The following DCAF1 variants were observed in gnomAD, a reference collection of about 807,000 sequenced individuals.
DCAF1 encodes the protein DDB1- and CUL4-associated factor 1.
Under a neutral mutation model 128.0 loss-of-function variants are expected in DCAF1, and 15 were observed. The ratio of observed to expected loss-of-function variants is 0.12; its 90% CI spans 0.08 to 0.18. DCAF1 has a LOEUF of 0.18. Ranked by LOEUF, DCAF1 falls within the 10% of genes least tolerant of loss-of-function variation. DCAF1 has a pLI of 1.00. For synonymous variants in DCAF1, 610 were observed against 603.0 expected, an observed-to-expected ratio of 1.01 and a Z score of -0.17; for missense variants, 988 against 1,649.5, an observed-to-expected ratio of 0.60 and a Z score of 6.95.
At chr3:51,450,845 A>T (rs2107818239) in intron 6 of DCAF1, among the ~76,000 whole-genome samples, 1 of 152,194 alleles carries the variant, frequency 6.6e-6, no homozygotes, top group African/African-American at 2.4e-5. Context: ...GAGTAATTAG[A>T]CATAAAAAAG....
At chr3:51,474,073 T>C (rs746717703) in intron 3 of DCAF1, among the ~76,000 whole-genome samples, 13 of 152,132 alleles carry the variant, frequency 8.5e-5, no homozygotes, top group Non-Finnish European at 1.6e-4. Context: ...TTTCCCAAAG[T>C]GCTGGGATTA....
chr3:51,439,017 ATCTC>A (rs1394326875), intron 9 of DCAF1, among the ~76,000 whole-genome samples: 8 of 152,220 alleles, frequency 5.3e-5, no homozygotes, highest in African/African-American at 1.9e-4. Flanking sequence ...TCATTCAACT[ATCTC>A]TCTCCATTCA....
intron 6 of DCAF1, among the ~76,000 whole-genome samples, chr3:51,447,732 G>A (rs1212650513): frequency 6.6e-6 from 1 of 152,174 alleles, no homozygotes; most frequent in Non-Finnish European, 1.5e-5. Context: ...TGGATCACAT[G>A]AGGTCAGGAG....
At chr3:51,477,063 CAG>C (rs1423626843) in intron 3 of DCAF1, among the ~76,000 whole-genome samples, 1 of 151,916 alleles carries the variant, frequency 6.6e-6, no homozygotes, top group Admixed American at 6.6e-5. Context: ...GCCTGAGCGA[CAG>C]AGTGAGACTC....
intron 3 of DCAF1, among the ~76,000 whole-genome samples, chr3:51,477,236 TA>T (rs1309910677): frequency 6.7e-6 from 1 of 148,470 alleles, no homozygotes; most frequent in African/African-American, 2.5e-5. Flanking sequence ...AAAAGGTCAA[TA>T]AAAGAGCAGA....
intron 9 of DCAF1, among the ~76,000 whole-genome samples, chr3:51,434,033 G>A (rs1700606328): frequency 6.6e-6 from 1 of 150,778 alleles, no homozygotes; most frequent in African/African-American, 2.4e-5. Flanking sequence ...AGTGCACCAA[G>A]ATTGCACCAC....
chr3:51,429,792 T>C (rs1163947748), intron 11 of DCAF1, among the ~76,000 whole-genome samples: 1 of 151,910 alleles, frequency 6.6e-6, no homozygotes, highest in Non-Finnish European at 1.5e-5. Context: ...GATCATCAAC[T>C]GCCAATCCCC....
At chr3:51,447,266 T>G (rs561917775) in intron 6 of DCAF1, among the ~76,000 whole-genome samples, 5 of 151,690 alleles carry the variant, frequency 3.3e-5, no homozygotes, top group Non-Finnish European at 5.9e-5. Context: ...AAAAATTGGC[T>G]GGGTACAGAG....
At chr3:51,502,866 G>A (rs1553664624), upstream of DCAF1, among the ~76,000 whole-genome samples, 1 of 152,080 alleles carries the variant, frequency 6.6e-6, no homozygotes. Flanking sequence ...GAGCACCCAG[G>A]CTTTCCCAAC....
chr3:51,419,670 C>T, intron 15 of DCAF1, 64 bp downstream of exon 15: 2 of 1,531,754 alleles, frequency 1.3e-6, no homozygotes, highest in East Asian at 2.3e-5. Flanking sequence ...CTGATACTGC[C>T]CAGTTTGATT....
intron 1 of DCAF1, among the ~76,000 whole-genome samples, chr3:51,498,520 T>C (rs1033101467): frequency 6.6e-5 from 10 of 151,860 alleles, no homozygotes; most frequent in African/African-American, 1.2e-4. Context: ...GGAGGATCAC[T>C]TGAGTTCAAA....
In DCAF1 at chr3:51,420,645, G is replaced by A; in HGVS notation, c.2325C>T (p.Ile775=). Residue 775 remains isoleucine, a synonymous_variant, in exon 15 of 25, where the codon ATC becomes ATT. Coordinates refer to ENST00000684031, the MANE Select transcript of DCAF1 (RefSeq NM_001387579.1). This position sits in a 1 kb window ranked among gnomAD's most constrained non-coding sequence, Gnocchi z 6.5. ...AGCTGCTGAAAAGGGGCAGTTTACTGATGATCTGCCGGACAGTGCTACTGC... is the reference window on the plus strand; with the variant it reads ...AGCTGCTGAAAAGGGGCAGTTTACTAATGATCTGCCGGACAGTGCTACTGC... ...LSRSSTVRQI[I]SKLPLFSSCQ... is the part of the protein sequence containing the mutation. The A allele has an allele frequency of 6.2e-7, 1 of 1,614,060 alleles. No homozygotes were observed. The highest frequency in any genetic ancestry group is 1.3e-5 in the African/African-American group (1 of 75,062).
At chr3:51,407,735 C>T (rs1553627120) in intron 23 of DCAF1, among the ~76,000 whole-genome samples, 1 of 152,032 alleles carries the variant, frequency 6.6e-6, no homozygotes, top group Non-Finnish European at 1.5e-5. Context: ...TGCCTATAAT[C>T]CCAGCACTTT....
At chr3:51,486,091 C>T (rs537759584) in intron 2 of DCAF1, among the ~76,000 whole-genome samples, 1 of 151,818 alleles carries the variant, frequency 6.6e-6, no homozygotes, top group Non-Finnish European at 1.5e-5. Flanking sequence ...GGGCTTTCAC[C>T]GTGTTAGCCA....
intron 2 of DCAF1, among the ~76,000 whole-genome samples, chr3:51,496,198 C>T (rs1553660846): frequency 6.6e-6 from 1 of 151,782 alleles, no homozygotes; most frequent in Admixed American, 6.6e-5. Context: ...AGGCCGAGGC[C>T]GGCAGATCAC....
chr3:51,484,516 T>A (rs1706681571), intron 2 of DCAF1, among the ~76,000 whole-genome samples: 1 of 151,876 alleles, frequency 6.6e-6, no homozygotes, highest in African/African-American at 2.4e-5. Context: ...ACCTGTAATA[T>A]ATACAATAAT....
chr3:51,484,785 C>G (rs868973655), intron 2 of DCAF1, among the ~76,000 whole-genome samples: 1 of 150,322 alleles, frequency 6.7e-6, no homozygotes, highest in South Asian at 2.1e-4. Context: ...CGGGTTCAAG[C>G]AATTCTCCTG....
In DCAF1 at chr3:51,441,640, G is replaced by A; in HGVS notation, c.771C>T (p.Thr257=). 6.2e-7 allele frequency: 1 copy of A among 1,613,902 alleles called. No individual in the cohort carries two copies. The highest frequency in any genetic ancestry group is 8.5e-7 in the Non-Finnish European group (1 of 1,179,862). ...HKTSSRVNST[T]KPEDGGLKKN... The stretch of plus-strand genomic sequence containing the variant: ...TCTTTAATCCTCCATCCTCAGGTTT[G>A]GTTGTTGAGTTCACTCTGCTACTAG... The change falls in exon 8 of 25, where the codon ACC becomes ACT. Residue 257 remains threonine (T), a synonymous_variant. Transcript: ENST00000684031.
At chr3:51,426,562 TGATA>T (rs1699928449) in intron 13 of DCAF1, among the ~76,000 whole-genome samples, 1 of 152,202 alleles carries the variant, frequency 6.6e-6, no homozygotes. Context: ...TTTCTAATAC[TGATA>T]GATATAACAC....
Sources: gnomAD v4.1 joint callset for allele counts (sites outside exome capture counted in the v4.1 genomes callset) on GRCh38, gnomAD v4.1.1 for gene constraint, Gnocchi (gnomAD v3.1) non-coding constraint, MANE v1.5 for transcripts, NCBI Gene and HGNC (gene_info 2026-07-23, HGNC 2026-07-21) for gene names.